RBFOX3: variants seen among roughly 807,000 people sequenced by gnomAD.
RBFOX3 encodes RNA binding protein fox-1 homolog 3.
Under a neutral mutation model 48.7 loss-of-function variants are expected in RBFOX3, and 17 were observed. That is an observed-to-expected ratio of 0.35 (90% confidence interval 0.24 to 0.52). The LOEUF is 0.52. Among genes scored for constraint, RBFOX3 ranks in the 20% least tolerant of loss-of-function variants. The pLI is 0.94. For missense variants in RBFOX3, 382 were observed against 497.5 expected (o/e 0.77, Z 2.21); for synonymous variants, 212 against 209.5 (o/e 1.01, Z -0.10).
At position 79,195,371 on chromosome 17, in the gene RBFOX3, C is replaced by T. The variant is rs1263391541; in HGVS notation, c.-34+40395G>A. Among the ~76,000 whole-genome samples, 2 of 151,660 alleles carry T rather than the reference C, an allele frequency of 1.3e-5. No homozygotes were observed. The highest frequency in any genetic ancestry group is 3.9e-4 in the East Asian group (2 of 5,170). ...GAGTTGACATTGCACCACTGCACTC[C>T]AGCTTGGGTGACAGAGTGAGACTCC... On this transcript the variant is annotated intron_variant, in intron 4 of 14. Transcript: ENST00000693108. This position sits in a 1 kb window ranked among gnomAD's most constrained non-coding sequence, Gnocchi z 5.3.
At chr17:79,332,689 C>T (rs1219327502) in intron 2 of RBFOX3, among the ~76,000 whole-genome samples, 7 of 129,882 alleles carry the variant, frequency 5.4e-5, no homozygotes, top group East Asian at 4.2e-4. Context: ...CAAAGAGAGA[C>T]GGAGACAGAG....
intron 1 of RBFOX3, among the ~76,000 whole-genome samples, chr17:79,565,169 A>G (rs968357071): frequency 2.3e-3 from 351 of 152,252 alleles, no homozygotes; most frequent in Admixed American, 4.4e-3. Context: ...TAGGAAATAT[A>G]CCAAAATGTT....
At chr17:79,278,369 C>A (rs1794895649) in intron 3 of RBFOX3, among the ~76,000 whole-genome samples, 1 of 152,252 alleles carries the variant, frequency 6.6e-6, no homozygotes, top group Non-Finnish European at 1.5e-5. Context: ...CGATGCCAAG[C>A]TCTTGGTGTC....
intron 3 of RBFOX3, among the ~76,000 whole-genome samples, chr17:79,270,558 A>C (rs1220019305): frequency 6.6e-6 from 1 of 152,244 alleles, no homozygotes; most frequent in Non-Finnish European, 1.5e-5. Flanking sequence ...GCCACTGGGC[A>C]GGAACAAGGG....
chr17:79,622,623 C>A, the RBFOX3 span, among the ~76,000 whole-genome samples: 1 of 152,192 alleles, frequency 6.6e-6, no homozygotes, highest in Non-Finnish European at 1.5e-5. Context: ...GCCGTCCCCT[C>A]CCTGTGTCCT....
chr17:79,089,397 TTGAA>T lies in RBFOX3; in HGVS notation c.*1482_*1485del, dbSNP rs1163241151. The T allele has an allele frequency of 2.6e-5, 4 of 152,624 alleles. No individual in the cohort carries two copies. The highest frequency in any genetic ancestry group is 9.7e-5 in the African/African-American group (4 of 41,444). The allele number at this position is 152,624 out of a possible 1,614,324, so 9.5% of individuals were successfully genotyped here. On this transcript the variant is annotated 3_prime_UTR_variant, in exon 15 of 15. Coordinates refer to ENST00000693108, the MANE Select transcript of RBFOX3 (RefSeq NM_001350451.2). ...TAATAATCTTAATAATACTGTTAGT[TTGAA>T]TGGTCACACCTTGGAAGCATACAGA...
intron 2 of RBFOX3, among the ~76,000 whole-genome samples, chr17:79,376,713 G>A (rs2059265834): frequency 6.6e-6 from 1 of 152,190 alleles, no homozygotes; most frequent in African/African-American, 2.4e-5. Flanking sequence ...TCCAGGTCCA[G>A]TGACCATGAG....
intron 4 of RBFOX3, among the ~76,000 whole-genome samples, chr17:79,169,906 GGAAAT>G (rs1284083351): frequency 1.3e-5 from 2 of 151,362 alleles, no homozygotes; most frequent in African/African-American, 4.9e-5. Context: ...TAAAAGGAAA[GGAAAT>G]GAAGAGAGGA....
intron 11 of RBFOX3, 110 bp downstream of exon 11, chr17:79,097,182 C>CA (rs1221941750): frequency 1.1e-6 from 1 of 924,492 alleles, no homozygotes; most frequent in Non-Finnish European, 1.6e-6. Context: ...CTCCCCCCCC[C>CA]CAGGTCTGGA....
intron 1 of RBFOX3, among the ~76,000 whole-genome samples, chr17:79,581,528 G>A (rs1422370384): frequency 1.3e-5 from 2 of 152,262 alleles, no homozygotes; most frequent in South Asian, 2.1e-4. Flanking sequence ...CCATGCACAC[G>A]TGAATCATGG....
At chr17:79,097,479 C>A in intron 10 of RBFOX3, 55 bp from the exon 11 acceptor site, 2 of 1,479,780 alleles carry the variant, frequency 1.4e-6, no homozygotes, top group Non-Finnish European at 1.8e-6. Flanking sequence ...ACCCACCTGG[C>A]ACCCCCTCCC....
intron 2 of RBFOX3, among the ~76,000 whole-genome samples, chr17:79,476,063 C>T (rs1217668021): frequency 6.6e-6 from 1 of 152,220 alleles, no homozygotes; most frequent in African/African-American, 2.4e-5. Context: ...CACCTGACAC[C>T]CTGTGCTCTG....
chr17:79,100,498 CAGG>C (rs1282478453), intron 9 of RBFOX3: 7 of 152,340 alleles, frequency 4.6e-5, no homozygotes, highest in African/African-American at 1.7e-4. Context: ...CATCGGACAC[CAGG>C]AGAAGAGCTC....
intron 2 of RBFOX3, among the ~76,000 whole-genome samples, chr17:79,463,525 C>T (rs1189723878): frequency 2.2e-5 from 3 of 136,768 alleles, no homozygotes; most frequent in Non-Finnish European, 1.6e-5. Context: ...CCTCCACCAT[C>T]GCCACTGCCA....
chr17:79,275,313 CTGTCCCTGA>C (rs1489032883), intron 3 of RBFOX3, among the ~76,000 whole-genome samples: 1 of 152,064 alleles, frequency 6.6e-6, no homozygotes, highest in Non-Finnish European at 1.5e-5. Flanking sequence ...CTGGTTTTCT[CTGTCCCTGA>C]TGTCACCGGG....
intron 1 of RBFOX3, among the ~76,000 whole-genome samples, chr17:79,565,266 C>CT (rs1231996987): frequency 6.6e-6 from 1 of 151,690 alleles, no homozygotes; most frequent in African/African-American, 2.4e-5. Flanking sequence ...GCTTTCTCTA[C>CT]TTTTTGCAAA....
At chr17:79,109,187 G>A (rs1381836281) in intron 5 of RBFOX3, among the ~76,000 whole-genome samples, 1 of 152,200 alleles carries the variant, frequency 6.6e-6, no homozygotes, top group Non-Finnish European at 1.5e-5. Flanking sequence ...GCTCTCGGAG[G>A]GCATGAGCCC....
chr17:79,477,238 AAAAT>A lies in RBFOX3; in HGVS notation c.-175+5212_-175+5215del, dbSNP rs1205559900. On this transcript the variant is annotated intron_variant, in intron 2 of 14. Coordinates refer to ENST00000693108, the MANE Select transcript of RBFOX3 (RefSeq NM_001350451.2). The surrounding 1 kb of genome is among the most constrained non-coding windows in gnomAD (Gnocchi z 4.8). Reference sequence around the variant, plus strand: ...AAAGAGCAAGGCTCCGTTTCAAAAAAAAATAAATAAAGATAAATTAAAAAAAAAA... The same window carrying A: ...AAAGAGCAAGGCTCCGTTTCAAAAAAAAATAAAGATAAATTAAAAAAAAAA... Among the ~76,000 whole-genome samples, 6 of 140,216 alleles carry A rather than the reference AAAAT, an allele frequency of 4.3e-5. No individual in the cohort carries two copies. The highest frequency in any genetic ancestry group is 2.3e-4 in the South Asian group (1 of 4,326). The allele number at this position is 140,216 out of a possible 152,430, so 92.0% of individuals were successfully genotyped here.
chr17:79,339,276 G>A (rs1314168712), intron 2 of RBFOX3, among the ~76,000 whole-genome samples: 1 of 152,136 alleles, frequency 6.6e-6, no homozygotes, highest in African/African-American at 2.4e-5. Flanking sequence ...GGCTGATCTT[G>A]AAGTCCTGAG....
Sources: gnomAD v4.1 joint callset for allele counts (sites outside exome capture counted in the v4.1 genomes callset) on GRCh38, gnomAD v4.1.1 for gene constraint, Gnocchi (gnomAD v3.1) non-coding constraint, MANE v1.5 for transcripts, NCBI Gene and HGNC (gene_info 2026-07-23, HGNC 2026-07-21) for gene names.